Variants in PPP1R1C observed in about 807,000 individuals in gnomAD.
PPP1R1C encodes protein phosphatase 1 regulatory inhibitor subunit 1C.
A neutral mutation model predicts 17.4 loss-of-function variants in PPP1R1C; 15 were observed. The ratio of observed to expected loss-of-function variants is 0.86; its 90% CI spans 0.58 to 1.33. The LOEUF is 1.33. Ranked by LOEUF, PPP1R1C falls within the 40% of genes most tolerant of loss-of-function variation. The pLI is 0.00. For synonymous variants in PPP1R1C, 35 were observed against 43.1 expected, an observed-to-expected ratio of 0.81 and a Z score of 0.73; for missense variants, 143 against 130.0, an observed-to-expected ratio of 1.10 and a Z score of -0.48.
chr2:182,058,802 C>T (rs1574417940), intron 2 of PPP1R1C, among the ~76,000 whole-genome samples: 1 of 152,214 alleles, frequency 6.6e-6, no homozygotes, highest in African/African-American at 2.4e-5. Flanking sequence ...TTAGGCTTTC[C>T]TTAGCGTTGT....
chr2:181,989,657 T>G (rs1041056502), intron 2 of PPP1R1C, among the ~76,000 whole-genome samples: 6 of 152,000 alleles, frequency 3.9e-5, no homozygotes, highest in Non-Finnish European at 8.8e-5. Context: ...CTAGAAACCT[T>G]TTTTTTTGTC....
At chr2:182,130,366 A>G (rs1245599948), downstream of PPP1R1C, 1 of 152,142 alleles carries the variant, frequency 6.6e-6, no homozygotes, top group East Asian at 1.9e-4. Flanking sequence ...AGATCATTGA[A>G]AGGAACAATA....
At position 181,967,551 on chromosome 2, in the gene PPP1R1C, A is replaced by G. The variant is rs565366704; in HGVS notation, n.112-7668A>G. On this transcript the variant is annotated intron_variant and non_coding_transcript_variant, in intron 1 of 5. Coordinates refer to the PPP1R1C transcript ENST00000464264. The surrounding 1 kb of genome is among the most constrained non-coding windows in gnomAD (Gnocchi z 5.5). ...AACTTCCTTCTTAATTTTTTAATTG[A>G]TCCACTGGTCATTCAGGAGCATATT... Among the ~76,000 whole-genome samples, 11 of 152,254 alleles carry G rather than the reference A, an allele frequency of 7.2e-5. No homozygotes were observed. In the South Asian group the frequency reaches 1.5e-3, roughly 20 times the overall value.
chr2:181,956,836 G>C lies in PPP1R1C; in HGVS notation n.111+2202G>C, dbSNP rs529816256. Reference sequence around the variant, plus strand: ...AAAATGGCAATTTCAGATTATTTTAGATACTGTAAGTAAATTGAAATTGTG... The same window carrying C: ...AAAATGGCAATTTCAGATTATTTTACATACTGTAAGTAAATTGAAATTGTG... On this transcript the variant is annotated intron_variant and non_coding_transcript_variant, in intron 1 of 5. Coordinates refer to the PPP1R1C transcript ENST00000464264. Among the ~76,000 whole-genome samples, 20 of 152,236 alleles carry C rather than the reference G, an allele frequency of 1.3e-4. No individual in the cohort carries two copies. In the South Asian group the frequency reaches 3.9e-3, roughly 30 times the overall value.
chr2:182,036,898 G>A (rs16822363), intron 2 of PPP1R1C, among the ~76,000 whole-genome samples: 5,649 of 152,146 alleles, frequency 0.037, 376 homozygotes, highest in Admixed American at 0.18. Context: ...TGTTATATTA[G>A]CATGTTTCAA....
At chr2:182,083,785 G>T (rs981229484) in intron 4 of PPP1R1C, among the ~76,000 whole-genome samples, 2 of 152,110 alleles carry the variant, frequency 1.3e-5, no homozygotes, top group African/African-American at 4.8e-5. Context: ...ATAACCATCA[G>T]TGAGATTGCT....
intron 4 of PPP1R1C, among the ~76,000 whole-genome samples, chr2:182,094,572 G>A (rs1263258469): frequency 2.6e-5 from 4 of 152,340 alleles, no homozygotes; most frequent in Admixed American, 2.6e-4. Context: ...ATGCTGGGCA[G>A]TGGCAGTGAG....
At chr2:182,068,564 G>T (rs1392906267) in intron 4 of PPP1R1C, among the ~76,000 whole-genome samples, 5 of 152,184 alleles carry the variant, frequency 3.3e-5, no homozygotes, top group African/African-American at 1.2e-4. Flanking sequence ...AGGTCGGCGT[G>T]TGAAGTTTAT....
intron 2 of PPP1R1C, among the ~76,000 whole-genome samples, chr2:182,006,161 A>T (rs1685917927): frequency 6.6e-6 from 1 of 152,192 alleles, no homozygotes; most frequent in Non-Finnish European, 1.5e-5. Flanking sequence ...AGTTGAAATT[A>T]AAGAACTAGC....
At chr2:182,103,578 T>C (rs772654203) in intron 4 of PPP1R1C, 1 of 152,138 alleles carries the variant, frequency 6.6e-6, no homozygotes, top group African/African-American at 2.4e-5. Flanking sequence ...AACAACAAAT[T>C]GCTATTATTT....
intron 4 of PPP1R1C, among the ~76,000 whole-genome samples, chr2:182,090,103 G>A (rs1050871941): frequency 4.0e-5 from 6 of 151,684 alleles, no homozygotes; most frequent in African/African-American, 7.3e-5. Context: ...TTTAGTATAC[G>A]TTCTGTACAC....
intron 2 of PPP1R1C, among the ~76,000 whole-genome samples, chr2:182,052,537 G>A (rs1407938243): frequency 6.6e-6 from 1 of 152,046 alleles, no homozygotes; most frequent in Admixed American, 6.6e-5. Context: ...TTCGATTTCG[G>A]TGAATTCTAC....
At chr2:181,970,504 C>A (rs576034548) in intron 1 of PPP1R1C, among the ~76,000 whole-genome samples, 4 of 152,158 alleles carry the variant, frequency 2.6e-5, no homozygotes, top group Admixed American at 6.5e-5. Flanking sequence ...GAGTTTTTCT[C>A]TCAGTGCCGA....
chr2:182,117,377 G>A lies in PPP1R1C; in HGVS notation c.*82G>A, dbSNP rs1053043918. ...AGTATACCATGGAATTCCACTGCTT[G>A]ACTTCCAGAAGCATCCTCCATCTCT... On this transcript the variant is annotated 3_prime_UTR_variant, in exon 5 of 5. Transcript: ENST00000682840. 3 of 1,009,382 alleles carry A rather than the reference G, an allele frequency of 3.0e-6. No homozygotes were observed. The African/African-American group carries it at 5.0e-5, about 17-fold the overall frequency. 62.5% of individuals were successfully genotyped at this position (1,009,382 alleles called of 1,614,324 possible). A position where few individuals can be genotyped will look rare whatever the true frequency, so the allele number is the denominator to read the frequency against.
Position 182,085,086 on chromosome 2 carries a change from C to T in PPP1R1C, c.241+21295C>T, listed in dbSNP as rs542937300. ...TGTTGGTGTGCTACTGATTTGTGTA[C>T]ATTGCATCATATAGTGATACTGATT... On this transcript the variant is annotated intron_variant, in intron 4 of 4. Transcript: ENST00000682840. Among the ~76,000 whole-genome samples the T allele has an allele frequency of 3.3e-5, 5 of 151,928 alleles. No homozygotes were observed. The South Asian group carries it at 1.0e-3, about 32-fold the overall frequency.
chr2:182,051,385 T>C (rs1294692534), intron 2 of PPP1R1C, among the ~76,000 whole-genome samples: 4 of 152,196 alleles, frequency 2.6e-5, no homozygotes, highest in African/African-American at 7.2e-5. Context: ...AATACTGTAG[T>C]TGAATGAATG....
chr2:182,049,687 A>G (rs1205536162), intron 2 of PPP1R1C, among the ~76,000 whole-genome samples: 1 of 152,140 alleles, frequency 6.6e-6, no homozygotes, highest in African/African-American at 2.4e-5. Context: ...TTCCAATAAT[A>G]AATTGTGCTA....
intron 4 of PPP1R1C, among the ~76,000 whole-genome samples, chr2:182,083,756 C>A (rs1161374496): frequency 6.6e-6 from 1 of 151,998 alleles, no homozygotes; most frequent in Non-Finnish European, 1.5e-5. Context: ...GCTATAATGA[C>A]TTCTTTTCCT....
intron 4 of PPP1R1C, among the ~76,000 whole-genome samples, chr2:182,110,677 T>C (rs1689390786): frequency 6.6e-6 from 1 of 152,146 alleles, no homozygotes; most frequent in Non-Finnish European, 1.5e-5. Context: ...AATGCAACTC[T>C]CCTTTTGTTA....
Sources: allele counts gnomAD v4.1 joint callset (sites outside exome capture counted in the v4.1 genomes callset), GRCh38; gene constraint gnomAD v4.1.1; non-coding constraint Gnocchi (gnomAD v3.1); transcripts MANE v1.5; gene names NCBI Gene and HGNC (gene_info 2026-07-23, HGNC 2026-07-21).